The following TMTC1 variants were observed in gnomAD, a reference collection of about 807,000 sequenced individuals.
The protein encoded by TMTC1 is protein O-mannosyl-transferase TMTC1.
In TMTC1, 73 loss-of-function variants were observed where a neutral mutation model predicts 104.8. The ratio of observed to expected loss-of-function variants is 0.70; its 90% CI spans 0.58 to 0.85. The LOEUF (loss-of-function observed/expected upper bound fraction) is 0.85, where lower values mean the gene tolerates loss of function less well. Among genes scored for constraint, TMTC1 ranks in the 40% least tolerant of loss-of-function variants. TMTC1 has a pLI of 0.00. For synonymous variants in TMTC1, 434 were observed against 428.7 expected (o/e 1.01, Z -0.15); for missense variants, 1,035 against 1,096.1 (o/e 0.94, Z 0.79).
chr12:29,710,587 ATATT>A (rs1025042362), intron 5 of TMTC1, among the ~76,000 whole-genome samples: 7 of 143,878 alleles, frequency 4.9e-5, no homozygotes, highest in Non-Finnish European at 7.6e-5. Context: ...ATATATATTT[ATATT>A]TATTATACTT....
At chr12:29,704,659 C>T (rs1941691130) in intron 5 of TMTC1, among the ~76,000 whole-genome samples, 1 of 152,112 alleles carries the variant, frequency 6.6e-6, no homozygotes, top group Non-Finnish European at 1.5e-5. Flanking sequence ...GACTTTATAA[C>T]TCCATAGGTA....
chr12:29,729,099 AC>A (rs956532037), intron 5 of TMTC1, among the ~76,000 whole-genome samples: 88 of 151,366 alleles, frequency 5.8e-4, no homozygotes, highest in African/African-American at 2.1e-3. Context: ...TCAAATCTCG[AC>A]CCCTTTACTT....
chr12:29,751,514 AG>A (rs2136971803), intron 5 of TMTC1, 151 bp downstream of exon 5: 2 of 772,984 alleles, frequency 2.6e-6, no homozygotes, highest in African/African-American at 3.4e-5. Flanking sequence ...GGAGGGAAAT[AG>A]GGACAGGAAG....
chr12:29,540,701 G>GTA (rs1944771851), intron 10 of TMTC1, among the ~76,000 whole-genome samples: 1 of 151,346 alleles, frequency 6.6e-6, no homozygotes, highest in African/African-American at 2.4e-5. Context: ...AAAAATCACC[G>GTA]TAGTTTTGGC....
chr12:29,781,378 G>C (rs1238144977), intron 1 of TMTC1, among the ~76,000 whole-genome samples: 2 of 152,168 alleles, frequency 1.3e-5, no homozygotes, highest in African/African-American at 4.8e-5. Context: ...TACCACAAGA[G>C]TCCCTCAGCT....
At chr12:29,569,591 C>G (rs1440744452) in intron 9 of TMTC1, among the ~76,000 whole-genome samples, 2 of 152,136 alleles carry the variant, frequency 1.3e-5, no homozygotes, top group Non-Finnish European at 2.9e-5. Flanking sequence ...AGGCAATCTT[C>G]CAGTTACCAA....
intron 5 of TMTC1, among the ~76,000 whole-genome samples, chr12:29,708,637 C>T (rs1191737740): frequency 6.6e-6 from 1 of 152,232 alleles, no homozygotes; most frequent in Non-Finnish European, 1.5e-5. Context: ...CCAAAGTCAA[C>T]ACCAACTGCT....
At chr12:29,612,104 T>C in intron 6 of TMTC1, among the ~76,000 whole-genome samples, 1 of 152,120 alleles carries the variant, frequency 6.6e-6, no homozygotes, top group East Asian at 1.9e-4. Flanking sequence ...CCACGTGGCT[T>C]TGGTATTCGA....
At position 29,733,901 on chromosome 12, in the gene TMTC1, C is replaced by G. The variant is rs181318847; in HGVS notation, c.938+17765G>C. Among the ~76,000 whole-genome samples the G allele has an allele frequency of 2.8e-4, 43 of 152,310 alleles. No individual in the cohort carries two copies. In the East Asian group the frequency reaches 7.7e-3, roughly 27 times the overall value. On this transcript the variant is annotated intron_variant, in intron 5 of 17. Transcript: ENST00000539277. ...TTCCCATGTCTTTGCTTTGACAATG[C>G]AAGGCCATTATTTTTTCATTGCAGT... is the stretch of plus-strand genomic sequence containing the variant.
At chr12:29,581,136 C>A (rs1945968299) in intron 8 of TMTC1, among the ~76,000 whole-genome samples, 1 of 152,146 alleles carries the variant, frequency 6.6e-6, no homozygotes, top group African/African-American at 2.4e-5. Flanking sequence ...TGGAGTAGAG[C>A]CAGAAAGTCT....
At chr12:29,746,153 T>G (rs2136957334) in intron 5 of TMTC1, among the ~76,000 whole-genome samples, 1 of 152,338 alleles carries the variant, frequency 6.6e-6, no homozygotes, top group Non-Finnish European at 1.5e-5. Flanking sequence ...GGATGTGGGA[T>G]TTATTAAAAA....
At chr12:29,520,474 C>T (rs564539362) in intron 12 of TMTC1, 144 bp downstream of exon 12, 22 of 679,182 alleles carry the variant, frequency 3.2e-5, no homozygotes, top group Middle Eastern at 3.6e-4. Context: ...GAAATGACAG[C>T]CCCGAGGTAT....
chr12:29,687,531 G>C (rs887114423), intron 5 of TMTC1, among the ~76,000 whole-genome samples: 11 of 151,790 alleles, frequency 7.2e-5, no homozygotes, highest in Admixed American at 6.6e-4. Flanking sequence ...TTGCTATAAA[G>C]GACATTATTA....
intron 6 of TMTC1, among the ~76,000 whole-genome samples, chr12:29,606,802 T>A (rs1263160100): frequency 6.6e-6 from 1 of 151,876 alleles, no homozygotes; most frequent in South Asian, 2.1e-4. Flanking sequence ...TCTCTCTATA[T>A]CCCCAGCATC....
intron 5 of TMTC1, among the ~76,000 whole-genome samples, chr12:29,686,120 G>T (rs578239284): frequency 4.1e-4 from 62 of 152,084 alleles, no homozygotes; most frequent in Admixed American, 8.5e-4. Context: ...TACACATTCG[G>T]TCTTACTAGA....
chr12:29,778,742 C>T lies in TMTC1; in HGVS notation c.302+4708G>A, dbSNP rs567489474. 2.6e-5 allele frequency among the ~76,000 whole-genome samples: 4 copies of T among 152,306 alleles called. No homozygotes were observed. The South Asian group carries it at 8.3e-4, about 32-fold the overall frequency. On this transcript the variant is annotated intron_variant, in intron 1 of 17. Transcript: ENST00000539277. ...AACACAAAGAGATGGTCATTTGTAT[C>T]AGTTAGGGTTAGACTAGAAAACCAG...
Position 29,518,501 on chromosome 12 carries a change from C to T in TMTC1, c.1995G>A (p.Glu665=). The change falls in exon 13 of 18, where the codon GAG becomes GAA. Residue 665 remains glutamate (E), a synonymous_variant. Coordinates refer to ENST00000539277, the MANE Select transcript of TMTC1 (RefSeq NM_001193451.2). ...NLGRLYRSLG[E]NSMAEEWYKR... ...TGTACCATTCTTCAGCCATGCTGTT[C>T]TCTCCCAGTGACCTGTAGAGTCTTC... 6.2e-7 allele frequency: 1 copy of T among 1,614,106 alleles called. No homozygotes were observed. The highest frequency in any genetic ancestry group is 8.5e-7 in the Non-Finnish European group (1 of 1,179,982).
intron 7 of TMTC1, among the ~76,000 whole-genome samples, chr12:29,586,909 G>A (rs574013243): frequency 3.0e-4 from 45 of 151,932 alleles, no homozygotes; most frequent in African/African-American, 9.7e-4. Context: ...TTTTTGTTGT[G>A]TCTCTGCCAG....
intron 9 of TMTC1, among the ~76,000 whole-genome samples, chr12:29,558,457 T>A (rs1253759797): frequency 6.6e-6 from 1 of 152,172 alleles, no homozygotes; most frequent in Non-Finnish European, 1.5e-5. Context: ...CAGAGTCTCT[T>A]AAGTTTATTT....
Sources: gnomAD v4.1 joint callset for allele counts (sites outside exome capture counted in the v4.1 genomes callset) on GRCh38, gnomAD v4.1.1 for gene constraint, MANE v1.5 for transcripts, NCBI Gene and HGNC (gene_info 2026-07-23, HGNC 2026-07-21) for gene names.